Variants in NAA15 observed in about 807,000 individuals in gnomAD.
NAA15 encodes the protein N-alpha-acetyltransferase 15, NatA auxiliary subunit.
Under a neutral mutation model 114.0 loss-of-function variants are expected in NAA15, and 34 were observed. That is an observed-to-expected ratio of 0.30 (90% CI 0.23 to 0.40). The LOEUF (loss-of-function observed/expected upper bound fraction) is 0.40. Among genes scored for constraint, NAA15 ranks in the 10% least tolerant of loss-of-function variants. NAA15 has a pLI of 1.00. For missense variants in NAA15, 658 were observed against 1,004.5 expected (o/e 0.66, Z 4.66); for synonymous variants, 340 against 338.0 (o/e 1.01, Z -0.06).
chr4:139,325,418 G>C (rs565932923), intron 1 of NAA15, among the ~76,000 whole-genome samples: 29 of 152,212 alleles, frequency 1.9e-4, no homozygotes, highest in Non-Finnish European at 3.8e-4. Context: ...GTAATCTGGG[G>C]TAAGTTACTT....
At chr4:139,321,957 A>C (rs1372440924) in intron 1 of NAA15, among the ~76,000 whole-genome samples, 1 of 151,996 alleles carries the variant, frequency 6.6e-6, no homozygotes. Flanking sequence ...CTTGGAATTT[A>C]TAGTAATTTT....
At chr4:139,327,070 G>C (rs1179948454) in intron 1 of NAA15, among the ~76,000 whole-genome samples, 2 of 151,878 alleles carry the variant, frequency 1.3e-5, no homozygotes, top group Non-Finnish European at 2.9e-5. Flanking sequence ...TGAGTAGTTG[G>C]GCCTAAAGGC....
chr4:139,340,204 C>T (rs747876515), intron 3 of NAA15, among the ~76,000 whole-genome samples: 5 of 151,964 alleles, frequency 3.3e-5, no homozygotes, highest in Non-Finnish European at 5.9e-5. Context: ...TGCCTGTAGT[C>T]GCAGCTACTC....
At chr4:139,386,897 A>C (rs995169861) in intron 19 of NAA15, among the ~76,000 whole-genome samples, 1 of 152,214 alleles carries the variant, frequency 6.6e-6, no homozygotes, top group African/African-American at 2.4e-5. Flanking sequence ...ATATGAGATT[A>C]AGTTAAATAA....
At chr4:139,341,593 CAAAAAAAAAAAAAAAA>C (rs751688160) in intron 4 of NAA15, among the ~76,000 whole-genome samples, 1 of 14,434 alleles carries the variant, frequency 6.9e-5, no homozygotes, top group East Asian at 2.4e-3. Flanking sequence ...AACTCTGTCT[CAAAAAAAAAAAAAAAA>C]AAAAAAAAAA....
chr4:139,335,468 C>T (rs778383199), intron 2 of NAA15, among the ~76,000 whole-genome samples: 3 of 151,944 alleles, frequency 2.0e-5, no homozygotes, highest in East Asian at 1.9e-4. Context: ...TGGGTTCAAG[C>T]GACTCCCCTA....
chr4:139,323,440 C>A (rs1746689792), intron 1 of NAA15, among the ~76,000 whole-genome samples: 1 of 152,122 alleles, frequency 6.6e-6, no homozygotes, highest in Non-Finnish European at 1.5e-5. Context: ...GTGATCTGCC[C>A]TCCTCAGCCT....
chr4:139,388,136 T>C lies in NAA15; in HGVS notation c.*52T>C, dbSNP rs1397389914. On this transcript the variant is annotated 3_prime_UTR_variant, in exon 20 of 20. Coordinates refer to ENST00000296543, the MANE Select transcript of NAA15 (RefSeq NM_057175.5). ...ACTTTGGACCATATCTAGTATATAA[T>C]ATTTTTGTCACGCACCTGCTGCATT... 6.6e-7 allele frequency: 1 copy of C among 1,521,040 alleles called. No individual in the cohort carries two copies. Among genetic ancestry groups the C allele is most frequent in the African/African-American group, 1.4e-5 (1 of 72,206 alleles). The allele number at this position is 1,521,040 out of a possible 1,614,324, so 94.2% of individuals were successfully genotyped here.
chr4:139,340,583 A>G (rs1450056196), intron 3 of NAA15, among the ~76,000 whole-genome samples: 1 of 152,148 alleles, frequency 6.6e-6, no homozygotes, highest in African/African-American at 2.4e-5. Context: ...CACTTTATAT[A>G]TGTTATCCCA....
intron 8 of NAA15, 75 bp downstream of exon 8, chr4:139,351,361 G>GT (rs1747772794): frequency 1.8e-6 from 2 of 1,127,680 alleles, no homozygotes; most frequent in African/African-American, 1.6e-5. Flanking sequence ...TTAAGTATGA[G>GT]TATGCATATT....
chr4:139,317,394 C>T (rs1365816896), intron 1 of NAA15, among the ~76,000 whole-genome samples: 1 of 151,996 alleles, frequency 6.6e-6, no homozygotes, highest in Non-Finnish European at 1.5e-5. Flanking sequence ...GCGGCCGAGG[C>T]GGGTAGATCA....
At position 139,334,340 on chromosome 4, in the gene NAA15, G is replaced by A. The variant is rs1197175023; in HGVS notation, c.139+82G>A. ...TGTATTCTTCCCAGCTGCCTTAACTGTTTTCCAGAGAGAACAGACCCTCTC... is the reference window on the plus strand; with the variant it reads ...TGTATTCTTCCCAGCTGCCTTAACTATTTTCCAGAGAGAACAGACCCTCTC... On this transcript the variant is annotated intron_variant, in intron 2 of 19. Transcript: ENST00000296543. The A allele has an allele frequency of 1.0e-5, 9 of 860,302 alleles. No homozygotes were observed. In the South Asian group the frequency reaches 1.6e-4, roughly 15 times the overall value. 53.3% of individuals were successfully genotyped at this position (860,302 alleles called of 1,614,324 possible). A position where few individuals can be genotyped will look rare whatever the true frequency, so the allele number is the denominator to read the frequency against.
chr4:139,378,918 G>A, intron 17 of NAA15, 64 bp downstream of exon 17: 1 of 992,008 alleles, frequency 1.0e-6, no homozygotes, highest in South Asian at 1.6e-5. Context: ...GGTATAAGTG[G>A]TCTGTACAAG....
In NAA15 at chr4:139,389,223, A is replaced by G. The variant is rs1233007464; in HGVS notation, c.*1139A>G. 6.7e-6 allele frequency: 1 copy of G among 148,626 alleles called. No homozygotes were observed. The highest frequency in any genetic ancestry group is 1.5e-5 in the Non-Finnish European group (1 of 67,292). The allele number at this position is 148,626 out of a possible 1,614,324, so 9.2% of individuals were successfully genotyped here. A position where few individuals can be genotyped will look rare whatever the true frequency, so the allele number is the denominator to read the frequency against. On this transcript the variant is annotated 3_prime_UTR_variant, in exon 20 of 20. Coordinates refer to ENST00000296543, the MANE Select transcript of NAA15 (RefSeq NM_057175.5). ...TTTTTTTTTTTTTTTTTTTCAAATA[A>G]CAGACCAGCTTCTTTTTCTTGCAGT... is the stretch of plus-strand genomic sequence containing the variant.
At chr4:139,360,888 C>T (rs1748112676) in intron 13 of NAA15, among the ~76,000 whole-genome samples, 1 of 151,960 alleles carries the variant, frequency 6.6e-6, no homozygotes, top group African/African-American at 2.4e-5. Flanking sequence ...GATTTTTGAA[C>T]CTTCCAAATT....
chr4:139,352,323 G>A (rs1005949252), intron 9 of NAA15, among the ~76,000 whole-genome samples: 1 of 152,054 alleles, frequency 6.6e-6, no homozygotes, highest in Non-Finnish European at 1.5e-5. Context: ...TGGCCAGGCT[G>A]GTCTTGAACT....
At chr4:139,331,591 C>T (rs951845699) in intron 1 of NAA15, among the ~76,000 whole-genome samples, 7 of 150,742 alleles carry the variant, frequency 4.6e-5, no homozygotes, top group Admixed American at 1.3e-4. Context: ...GGATTACAGG[C>T]GCCTGCATGC....
At chr4:139,347,666 A>C (rs1290426028) in intron 6 of NAA15, among the ~76,000 whole-genome samples, 1 of 152,174 alleles carries the variant, frequency 6.6e-6, no homozygotes, top group Non-Finnish European at 1.5e-5. Context: ...GAATGAATGA[A>C]TATGTGCTCT....
intron 14 of NAA15, among the ~76,000 whole-genome samples, 160 bp downstream of exon 14, chr4:139,362,097 C>T (rs1274023207): frequency 6.6e-6 from 1 of 152,192 alleles, no homozygotes; most frequent in Admixed American, 6.5e-5. Flanking sequence ...TACTTTTATG[C>T]TTCCAAAGTT....
Sources: gnomAD v4.1 joint callset for allele counts (sites outside exome capture counted in the v4.1 genomes callset) on GRCh38, gnomAD v4.1.1 for gene constraint, MANE v1.5 for transcripts, NCBI Gene and HGNC (gene_info 2026-07-23, HGNC 2026-07-21) for gene names.